The following ALMS1 variants were observed in gnomAD, a reference collection of about 807,000 sequenced individuals.
ALMS1 encodes centrosome-associated protein ALMS1.
Under a neutral mutation model 352.2 loss-of-function variants are expected in ALMS1, and 271 were observed. The observed-to-expected ratio is 0.77, with a 90% confidence interval of 0.70 to 0.85. The LOEUF is 0.85. ALMS1 is among the 40% of genes least tolerant of loss of function. The probability of loss-of-function intolerance (pLI) is 0.00; values close to 1 mark genes in which losing one functional copy is unlikely to be tolerated. For missense variants in ALMS1, 5,445 were observed against 4,870.7 expected, an observed-to-expected ratio of 1.12 and a Z score of -3.51; for synonymous variants, 1,865 against 1,761.2, an observed-to-expected ratio of 1.06 and a Z score of -1.48.
intron 10 of ALMS1, among the ~76,000 whole-genome samples, chr2:73,510,369 C>T (rs1048226058): frequency 2.6e-5 from 4 of 152,164 alleles, no homozygotes; most frequent in African/African-American, 9.7e-5. Flanking sequence ...TTGGTCTTTG[C>T]TGTTGGTGAA....
Position 73,519,944 on chromosome 2 carries a change from C to G in ALMS1, c.9709C>G (p.Leu3237Val). ...AATTATAGAGCCTGGTAACCAGAAG[C>G]TACGCAAAGCTCCTGTCAAGTTTGC... ...HEIIEPGNQK[L>V]RKAPVKFASS... Residue 3237 changes from leucine to valine, a missense_variant, in exon 11 of 23, where the codon CTA becomes GTA. Coordinates refer to ENST00000613296, the MANE Select transcript of ALMS1 (RefSeq NM_001378454.1). The G allele has an allele frequency of 6.2e-7, 1 of 1,614,084 alleles. No individual in the cohort carries two copies. The highest frequency in any genetic ancestry group is 8.5e-7 in the Non-Finnish European group (1 of 1,179,958).
At chr2:73,396,020 C>T (rs901711596) in intron 1 of ALMS1, among the ~76,000 whole-genome samples, 1 of 152,060 alleles carries the variant, frequency 6.6e-6, no homozygotes, top group Non-Finnish European at 1.5e-5. Flanking sequence ...TGTGTTGGGC[C>T]ACATTCATGG....
At chr2:73,431,904 A>T (rs1369126788) in intron 6 of ALMS1, among the ~76,000 whole-genome samples, 1 of 152,176 alleles carries the variant, frequency 6.6e-6, no homozygotes, top group East Asian at 1.9e-4. Flanking sequence ...TTCTAAGCAT[A>T]CTATCTATAA....
Position 73,450,635 on chromosome 2 carries a change from A to G in ALMS1, c.4108A>G (p.Thr1370Ala). 1 of 1,613,318 alleles carries G rather than the reference A, an allele frequency of 6.2e-7. No individual in the cohort carries two copies. Among genetic ancestry groups the G allele is most frequent in the Non-Finnish European group, 8.5e-7 (1 of 1,179,892 alleles). The change falls in exon 8 of 23, where the codon ACA becomes GCA. Residue 1370 changes from threonine to alanine, a missense_variant. Thr to Ala is a moderately conservative substitution (Grantham distance 58). Coordinates refer to ENST00000613296, the MANE Select transcript of ALMS1 (RefSeq NM_001378454.1). ...AGTTGCCTCTGAACCAGTTGACCAG[A>G]CAACTGGCACACCAACTGTAACCTC... ...ISVASEPVDQ[T>A]TGTPTVTSTS...
rs144049586 is a variant in ALMS1, at chr2:73,511,557, C to T, written c.9540-8218C>T. Among the ~76,000 whole-genome samples, 323 of 152,256 alleles carry T rather than the reference C, an allele frequency of 2.1e-3. 6 individuals are homozygous for T. In the East Asian group the frequency reaches 0.033, roughly 16 times the overall value. On this transcript the variant is annotated intron_variant, in intron 10 of 22. Coordinates refer to ENST00000613296, the MANE Select transcript of ALMS1 (RefSeq NM_001378454.1). ...GTACCTTAGTCGGAAATGCAGAAAT[C>T]ACCTGCCTTCTGCGTTGGTCTTGCT... is the stretch of plus-strand genomic sequence containing the variant.
chr2:73,403,062 T>C (rs1484811958), intron 1 of ALMS1, among the ~76,000 whole-genome samples: 1 of 152,208 alleles, frequency 6.6e-6, no homozygotes, highest in East Asian at 1.9e-4. Context: ...TTATTTTTGC[T>C]TTTGTAGCCT....
In ALMS1 at chr2:73,508,368, A is replaced by G. The variant is rs1351712439; in HGVS notation, c.9540-11407A>G. Among the ~76,000 whole-genome samples the G allele has an allele frequency of 3.3e-5, 5 of 151,436 alleles. No homozygotes were observed. The East Asian group carries it at 9.8e-4, about 30-fold the overall frequency. On this transcript the variant is annotated intron_variant, in intron 10 of 22. Coordinates refer to ENST00000613296, the MANE Select transcript of ALMS1 (RefSeq NM_001378454.1). Reference sequence around the variant, plus strand: ...CAGGTGCCTGCCACCACGCCTGGCTAATTTCTTTTTGTATTTTTAGTAGAG... The same window carrying G: ...CAGGTGCCTGCCACCACGCCTGGCTGATTTCTTTTTGTATTTTTAGTAGAG...
intron 21 of ALMS1, chr2:73,603,721 G>A (rs1226541708): frequency 1.6e-5 from 4 of 253,190 alleles, no homozygotes; most frequent in Non-Finnish European, 3.1e-5. Context: ...TTAGCTGGGT[G>A]TGGAGGCACA....
At chr2:73,411,702 C>T (rs531831090) in intron 2 of ALMS1, among the ~76,000 whole-genome samples, 1 of 152,248 alleles carries the variant, frequency 6.6e-6, no homozygotes, top group Admixed American at 6.5e-5. Flanking sequence ...TCTGAGTTAC[C>T]TTTATTTATT....
chr2:73,401,893 A>T (rs1295247784), intron 1 of ALMS1, among the ~76,000 whole-genome samples: 1 of 152,078 alleles, frequency 6.6e-6, no homozygotes, highest in Non-Finnish European at 1.5e-5. Context: ...TAAAAAATAG[A>T]TTTCATATGT....
In ALMS1 at chr2:73,557,236, G is replaced by C. The variant is rs757773564; in HGVS notation, c.10095G>C (p.Val3365=). The change falls in exon 14 of 23, where the codon GTG becomes GTC. Residue 3365 remains valine, a synonymous_variant. Coordinates refer to ENST00000613296, the MANE Select transcript of ALMS1 (RefSeq NM_001378454.1). Reference sequence around the variant, plus strand: ...TTATTCCAGATGCCTCAGTTCAAGTGCTAATCACTGGGGATGAGAACCTCT... The same window carrying C: ...TTATTCCAGATGCCTCAGTTCAAGTCCTAATCACTGGGGATGAGAACCTCT... ...QNENADASVQ[V]LITGDENLSD... 1.2e-6 allele frequency: 2 copies of C among 1,614,092 alleles called. No homozygotes were observed. Among genetic ancestry groups the C allele is most frequent in the Non-Finnish European group, 1.7e-6 (2 of 1,179,998 alleles).
Position 73,602,139 on chromosome 2 carries a change from A to C in ALMS1, c.12115-46A>C, listed in dbSNP as rs757420087. On this transcript the variant is annotated intron_variant, in intron 19 of 22. Coordinates refer to ENST00000613296, the MANE Select transcript of ALMS1 (RefSeq NM_001378454.1). ...TCCAGGCATATGGAGAGTAGATTGCATCATTAATCTGAGGCTGGGCATTTT... is the reference window on the plus strand; with the variant it reads ...TCCAGGCATATGGAGAGTAGATTGCCTCATTAATCTGAGGCTGGGCATTTT... 74 of 1,568,936 alleles carry C rather than the reference A, an allele frequency of 4.7e-5. 1 individual carries two copies. The East Asian group carries it at 1.6e-3, about 34-fold the overall frequency.
chr2:73,583,562 AT>A (rs1319026573), intron 16 of ALMS1, among the ~76,000 whole-genome samples: 2 of 152,176 alleles, frequency 1.3e-5, no homozygotes, highest in Non-Finnish European at 2.9e-5. Flanking sequence ...TATTCAAAAA[AT>A]TATTGCCACA....
intron 12 of ALMS1, among the ~76,000 whole-genome samples, chr2:73,538,876 A>G (rs1300417877): frequency 6.6e-6 from 1 of 152,142 alleles, no homozygotes; most frequent in Non-Finnish European, 1.5e-5. Flanking sequence ...TAGGTAAACA[A>G]AGCGGCCGGG....
intron 9 of ALMS1, among the ~76,000 whole-genome samples, chr2:73,461,565 G>T (rs1313243785): frequency 1.3e-5 from 2 of 152,148 alleles, no homozygotes; most frequent in Admixed American, 6.6e-5. Context: ...TCCTCCAAAG[G>T]AACGCAGCTC....
intron 15 of ALMS1, among the ~76,000 whole-genome samples, chr2:73,569,797 T>C (rs11126404): frequency 6.6e-6 from 1 of 151,724 alleles, no homozygotes; most frequent in Non-Finnish European, 1.5e-5. Flanking sequence ...AGCACAACTA[T>C]AGTATAGTTA....
chr2:73,537,123 G>C (rs1201526732), intron 12 of ALMS1, among the ~76,000 whole-genome samples: 3 of 152,202 alleles, frequency 2.0e-5, no homozygotes, highest in African/African-American at 7.2e-5. Context: ...AGTGCTAAAG[G>C]CCTCTGGTGA....
At position 73,491,474 on chromosome 2, in the gene ALMS1, A is replaced by G; in HGVS notation, c.9515A>G (p.Glu3172Gly). Residue 3172 changes from glutamate to glycine, a missense_variant, in exon 10 of 23, where the codon GAG becomes GGG. Physicochemically the swap from Glu to Gly is moderately conservative, Grantham distance 98. Coordinates refer to ENST00000613296, the MANE Select transcript of ALMS1 (RefSeq NM_001378454.1). ...ISDFEGHSNP[E>G]GTPVFADRLP... ...GATTTCGAAGGACATTCCAATCCAG[A>G]GGGGACCCCAGTATTTGCAGATCGG... is the stretch of plus-strand genomic sequence containing the variant. The G allele has an allele frequency of 6.2e-7, 1 of 1,614,082 alleles. No homozygotes were observed.
At chr2:73,422,796 A>G (rs1671308916) in intron 3 of ALMS1, 61 bp from the exon 4 acceptor site, 1 of 1,309,234 alleles carries the variant, frequency 7.6e-7, no homozygotes, top group East Asian at 2.3e-5. Context: ...AAAGTATTAT[A>G]TACGTAAGTA....
Sources: allele counts gnomAD v4.1 joint callset (sites outside exome capture counted in the v4.1 genomes callset), GRCh38; gene constraint gnomAD v4.1.1; transcripts MANE v1.5; gene names NCBI Gene and HGNC (gene_info 2026-07-23, HGNC 2026-07-21).